NDFIP2: variants seen among roughly 807,000 people sequenced by gnomAD.
NDFIP2 encodes the protein NEDD4 family-interacting protein 2.
A neutral mutation model predicts 36.0 loss-of-function variants in NDFIP2; 19 were observed. That is an observed-to-expected ratio of 0.53 (90% CI 0.37 to 0.77). The LOEUF (loss-of-function observed/expected upper bound fraction) is 0.77. NDFIP2 is among the 30% of genes least tolerant of loss of function. NDFIP2 has a pLI of 0.00. For missense variants in NDFIP2, 446 were observed against 435.8 expected, an observed-to-expected ratio of 1.02 and a Z score of -0.21; for synonymous variants, 181 against 167.7, an observed-to-expected ratio of 1.08 and a Z score of -0.61.
At chr13:79,509,199 G>A (rs529463201) in intron 1 of NDFIP2, among the ~76,000 whole-genome samples, 1 of 152,154 alleles carries the variant, frequency 6.6e-6, no homozygotes, top group African/African-American at 2.4e-5. Context: ...CAACTTGCTT[G>A]TATACATTTT....
At chr13:79,509,460 G>A (rs1404146125) in intron 1 of NDFIP2, among the ~76,000 whole-genome samples, 1 of 152,160 alleles carries the variant, frequency 6.6e-6, no homozygotes, top group Non-Finnish European at 1.5e-5. Context: ...AGGCTTCAGA[G>A]AGAATAGATT....
intron 2 of NDFIP2, among the ~76,000 whole-genome samples, chr13:79,531,107 G>C (rs1377209805): frequency 6.6e-6 from 1 of 152,190 alleles, no homozygotes; most frequent in Non-Finnish European, 1.5e-5. Context: ...TGTCTTAGTA[G>C]GCATGAAAAC....
chr13:79,525,660 AAG>A (rs1368737091), intron 2 of NDFIP2, among the ~76,000 whole-genome samples: 1 of 152,152 alleles, frequency 6.6e-6, no homozygotes, highest in East Asian at 1.9e-4. Context: ...ACACTGGACA[AAG>A]GGATGATTCA....
intron 1 of NDFIP2, among the ~76,000 whole-genome samples, chr13:79,511,712 A>T (rs73551578): frequency 0.026 from 4,014 of 152,144 alleles, 178 homozygotes; most frequent in African/African-American, 0.092. Context: ...TATGCCCTAA[A>T]CTCTGCTAGC....
At chr13:79,497,822 G>GTGTGTGTGTGTA (rs1555356396) in intron 1 of NDFIP2, among the ~76,000 whole-genome samples, 8 of 151,072 alleles carry the variant, frequency 5.3e-5, no homozygotes, top group Non-Finnish European at 1.5e-5. Context: ...GTGTGTGTGT[G>GTGTGTGTGTGTA]TGTGTGTATG....
intron 3 of NDFIP2, among the ~76,000 whole-genome samples, chr13:79,538,662 A>AGCT (rs1875340118): frequency 6.6e-6 from 1 of 151,374 alleles, no homozygotes; most frequent in Admixed American, 6.6e-5. Flanking sequence ...GGCTCACTGC[A>AGCT]GCTGCTACCT....
chr13:79,481,982 G>C (rs2079816338), intron 1 of NDFIP2, among the ~76,000 whole-genome samples: 1 of 152,064 alleles, frequency 6.6e-6, no homozygotes, highest in South Asian at 2.1e-4. Flanking sequence ...TAAGTACTGC[G>C]TGGGGTGGGA....
chr13:79,529,027 T>C (rs1196685377), intron 2 of NDFIP2, among the ~76,000 whole-genome samples: 1 of 152,230 alleles, frequency 6.6e-6, no homozygotes, highest in Admixed American at 6.5e-5. Context: ...GTGACATTTG[T>C]GTAATGCTTC....
intron 1 of NDFIP2, among the ~76,000 whole-genome samples, chr13:79,498,080 A>G (rs186260986): frequency 2.0e-4 from 31 of 152,008 alleles, no homozygotes; most frequent in African/African-American, 6.5e-4. Flanking sequence ...AAATACTCAT[A>G]AAGGTGAATT....
chr13:79,488,368 T>C (rs1873099520), intron 1 of NDFIP2, among the ~76,000 whole-genome samples: 1 of 152,130 alleles, frequency 6.6e-6, no homozygotes, highest in African/African-American at 2.4e-5. Context: ...AAATACGTTA[T>C]TTGGTTGAGT....
rs538448873 is a variant in NDFIP2, at chr13:79,544,840, C to T, written c.840+1158C>T. Among the ~76,000 whole-genome samples the T allele has an allele frequency of 6.6e-5, 10 of 152,180 alleles. No individual in the cohort carries two copies. The East Asian group carries it at 1.4e-3, about 21-fold the overall frequency. On this transcript the variant is annotated intron_variant, in intron 5 of 7. Transcript: ENST00000218652. Reference sequence around the variant, plus strand: ...TAAAACTTATAGCTTTCCAGGGTTTCAGTAATCCATAGGTTTTGATTATTA... The same window carrying T: ...TAAAACTTATAGCTTTCCAGGGTTTTAGTAATCCATAGGTTTTGATTATTA...
At chr13:79,515,755 G>A (rs1566660106) in intron 1 of NDFIP2, among the ~76,000 whole-genome samples, 1 of 152,048 alleles carries the variant, frequency 6.6e-6, no homozygotes, top group South Asian at 2.1e-4. Context: ...CTTATCACCT[G>A]CTATTAATTC....
chr13:79,502,024 A>G (rs1873686847), intron 1 of NDFIP2, among the ~76,000 whole-genome samples: 1 of 152,090 alleles, frequency 6.6e-6, no homozygotes, highest in African/African-American at 2.4e-5. Context: ...TGGGATTTGC[A>G]CCTATTTCCC....
intron 1 of NDFIP2, chr13:79,518,964 C>T (rs556346054): frequency 6.6e-6 from 1 of 152,378 alleles, no homozygotes; most frequent in African/African-American, 2.4e-5. Context: ...ACATGCCAGA[C>T]TTGACCATTT....
At chr13:79,516,679 G>A (rs1299539935) in intron 1 of NDFIP2, among the ~76,000 whole-genome samples, 3 of 151,952 alleles carry the variant, frequency 2.0e-5, no homozygotes, top group Admixed American at 6.6e-5. Context: ...AAAAATTACA[G>A]TTCTCTTCCT....
intron 2 of NDFIP2, among the ~76,000 whole-genome samples, chr13:79,529,033 G>T (rs1874907166): frequency 6.6e-6 from 1 of 152,138 alleles, no homozygotes; most frequent in Non-Finnish European, 1.5e-5. Context: ...TTTGTGTAAT[G>T]CTTCACAGTT....
At chr13:79,494,351 T>A (rs1038072924) in intron 1 of NDFIP2, among the ~76,000 whole-genome samples, 1 of 152,112 alleles carries the variant, frequency 6.6e-6, no homozygotes, top group African/African-American at 2.4e-5. Flanking sequence ...TATTTACATT[T>A]TATGACTGAA....
chr13:79,546,007 C>T (rs1489609283), intron 5 of NDFIP2, among the ~76,000 whole-genome samples: 5 of 152,190 alleles, frequency 3.3e-5, no homozygotes, highest in Non-Finnish European at 7.3e-5. Context: ...GGATTACAGG[C>T]GTGAGCCACC....
rs927276720 is a variant in NDFIP2, at chr13:79,510,841, A to C, written c.322-9969A>C. 2.6e-5 allele frequency among the ~76,000 whole-genome samples: 4 copies of C among 152,020 alleles called. No individual in the cohort carries two copies. The East Asian group carries it at 5.8e-4, about 22-fold the overall frequency. On this transcript the variant is annotated intron_variant, in intron 1 of 7. Coordinates refer to ENST00000218652, the MANE Select transcript of NDFIP2 (RefSeq NM_019080.3). ...TAGTGAAACCCTGTCTCTACTAAAA[A>C]TACAAAAATTACCCAGGTCTGGTGG...
Sources: allele counts gnomAD v4.1 joint callset (sites outside exome capture counted in the v4.1 genomes callset), GRCh38; gene constraint gnomAD v4.1.1; transcripts MANE v1.5; gene names NCBI Gene and HGNC (gene_info 2026-07-23, HGNC 2026-07-21).